The following GPHN variants were observed in gnomAD, a reference collection of about 807,000 sequenced individuals.
GPHN encodes gephyrin.
GPHN carries 17 observed loss-of-function variants against 95.5 expected under a neutral mutation model. The ratio of observed to expected loss-of-function variants is 0.18; its 90% CI spans 0.12 to 0.27. GPHN has a LOEUF of 0.27. GPHN is among the 10% of genes least tolerant of loss of function. The probability of loss-of-function intolerance (pLI) is 1.00; values close to 1 mark genes in which losing one functional copy is unlikely to be tolerated. For missense variants in GPHN, 660 were observed against 978.1 expected, an observed-to-expected ratio of 0.67 and a Z score of 4.34; for synonymous variants, 320 against 322.5, an observed-to-expected ratio of 0.99 and a Z score of 0.08.
chr14:67,339,233 G>A, the GPHN span, among the ~76,000 whole-genome samples: 1 of 152,040 alleles, frequency 6.6e-6, no homozygotes, highest in Non-Finnish European at 1.5e-5. Context: ...TCCTGACCTT[G>A]TGATCCACCC....
At chr14:67,072,846 A>C (rs923384398) in intron 11 of GPHN, among the ~76,000 whole-genome samples, 1 of 151,946 alleles carries the variant, frequency 6.6e-6, no homozygotes, top group Non-Finnish European at 1.5e-5. Context: ...ATAACAGTGA[A>C]TGATTTGGTA....
the GPHN span, among the ~76,000 whole-genome samples, chr14:67,434,132 A>C: frequency 6.6e-6 from 1 of 152,242 alleles, no homozygotes; most frequent in African/African-American, 2.4e-5. Flanking sequence ...TTTGATAAGT[A>C]CTCAAAGGAA....
chr14:66,623,967 T>A (rs1412484198), intron 1 of GPHN, among the ~76,000 whole-genome samples: 3 of 152,174 alleles, frequency 2.0e-5, no homozygotes, highest in Non-Finnish European at 2.9e-5. Flanking sequence ...AGGAAACAAC[T>A]GCAGGGTTTG....
chr14:67,165,844 C>G (rs1431536192), intron 20 of GPHN, among the ~76,000 whole-genome samples: 1 of 152,168 alleles, frequency 6.6e-6, no homozygotes, highest in South Asian at 2.1e-4. Context: ...ATAGAAAGAG[C>G]AAAGCAGGTT....
At chr14:66,982,743 A>T (rs1000704020) in intron 9 of GPHN, among the ~76,000 whole-genome samples, 4 of 152,180 alleles carry the variant, frequency 2.6e-5, no homozygotes, top group African/African-American at 9.7e-5. Flanking sequence ...ATTTACATTC[A>T]ATTCTCAGAC....
At chr14:67,353,282 G>A in the GPHN span, among the ~76,000 whole-genome samples, 2 of 152,158 alleles carry the variant, frequency 1.3e-5, no homozygotes, top group East Asian at 3.8e-4. Flanking sequence ...AGAGATGACT[G>A]GGTCATCTGG....
intron 11 of GPHN, among the ~76,000 whole-genome samples, chr14:67,076,782 T>A (rs1298949767): frequency 2.0e-5 from 3 of 152,180 alleles, no homozygotes; most frequent in Non-Finnish European, 4.4e-5. Context: ...GTCCACATTT[T>A]ATATTTGAAA....
At chr14:67,033,876 C>T (rs1365140099) in intron 10 of GPHN, among the ~76,000 whole-genome samples, 1 of 152,138 alleles carries the variant, frequency 6.6e-6, no homozygotes, top group Non-Finnish European at 1.5e-5. Flanking sequence ...ATAAGAATGT[C>T]ATTGGATAAA....
At chr14:67,370,592 AATC>A in the GPHN span, among the ~76,000 whole-genome samples, 1 of 152,264 alleles carries the variant, frequency 6.6e-6, no homozygotes, top group African/African-American at 2.4e-5. Flanking sequence ...ATTTTATGCC[AATC>A]ATCTCAACAA....
At chr14:66,518,678 A>G (rs1011969910) in intron 1 of GPHN, among the ~76,000 whole-genome samples, 2 of 152,130 alleles carry the variant, frequency 1.3e-5, no homozygotes, top group Admixed American at 6.5e-5. Context: ...CCTATCATTC[A>G]TGGCAACATG....
Position 66,959,497 on chromosome 14 carries a change from T to G in GPHN, c.829-5694T>G, listed in dbSNP as rs77652269. ...TCAGTTTTTGTTTATCTGGGAATAT[T>G]GTAATTTTTCTTCGTTTTTGAAGTT... On this transcript the variant is annotated intron_variant, in intron 8 of 22. Transcript: ENST00000478722. Among the ~76,000 whole-genome samples the G allele has an allele frequency of 6.0e-4, 92 of 152,238 alleles. 3 individuals carry two copies. Among genetic ancestry groups the G allele is most frequent in the African/African-American group, 2.1e-3 (89 of 41,566 alleles).
chr14:67,476,427 A>G, the GPHN span, among the ~76,000 whole-genome samples: 1 of 152,026 alleles, frequency 6.6e-6, no homozygotes, highest in African/African-American at 2.4e-5. Flanking sequence ...TCTCTACTAA[A>G]AATACAAAAA....
At chr14:67,159,283 C>T in intron 18 of GPHN, 132 bp from the exon 19 acceptor site, 2 of 707,920 alleles carry the variant, frequency 2.8e-6, no homozygotes, top group Non-Finnish European at 5.1e-6. Context: ...TTGTGTTAAG[C>T]AAATCAACTC....
chr14:67,441,903 T>G, the GPHN span: 1 of 153,802 alleles, frequency 6.5e-6, no homozygotes, highest in Non-Finnish European at 1.5e-5. Flanking sequence ...CATATGGGGC[T>G]GAGACAGTCC....
chr14:66,669,086 G>A (rs577951963), intron 1 of GPHN, among the ~76,000 whole-genome samples: 8 of 151,914 alleles, frequency 5.3e-5, no homozygotes, highest in Non-Finnish European at 1.0e-4. Flanking sequence ...ATTTCCAGCC[G>A]GGCATGGTGG....
At chr14:67,541,572 A>C in the GPHN span, among the ~76,000 whole-genome samples, 1 of 152,188 alleles carries the variant, frequency 6.6e-6, no homozygotes, top group Non-Finnish European at 1.5e-5. Flanking sequence ...CTTCTGTCCA[A>C]ATGAGACTAG....
intron 6 of GPHN, among the ~76,000 whole-genome samples, chr14:66,916,565 C>CT (rs1271185631): frequency 3.4e-5 from 5 of 146,432 alleles, no homozygotes; most frequent in African/African-American, 1.3e-4. Flanking sequence ...TGTGAATGAC[C>CT]TTTAGTCTTT....
intron 10 of GPHN, among the ~76,000 whole-genome samples, chr14:67,027,565 C>T (rs2073991484): frequency 6.6e-6 from 1 of 152,082 alleles, no homozygotes; most frequent in Non-Finnish European, 1.5e-5. Context: ...CTCCTGACCT[C>T]GTGATCAGCT....
At chr14:67,203,912 A>T in the GPHN span, among the ~76,000 whole-genome samples, 2 of 152,170 alleles carry the variant, frequency 1.3e-5, no homozygotes, top group Non-Finnish European at 2.9e-5. Context: ...GAGTTTCACC[A>T]TATTGGTCAG....
Sources: allele counts gnomAD v4.1 joint callset (sites outside exome capture counted in the v4.1 genomes callset), GRCh38; gene constraint gnomAD v4.1.1; transcripts MANE v1.5; gene names NCBI Gene and HGNC (gene_info 2026-07-23, HGNC 2026-07-21).